The following RABGAP1L variants were observed in gnomAD, a reference collection of about 807,000 sequenced individuals.
RABGAP1L encodes the protein rab GTPase-activating protein 1-like.
In RABGAP1L, 63 loss-of-function variants were observed where a neutral mutation model predicts 137.7. The ratio of observed to expected loss-of-function variants is 0.46; its 90% CI spans 0.37 to 0.56. The LOEUF (loss-of-function observed/expected upper bound fraction) is 0.56. Among genes scored for constraint, RABGAP1L ranks in the 20% least tolerant of loss-of-function variants. RABGAP1L has a pLI of 0.00. For missense variants in RABGAP1L, 1,095 were observed against 1,244.0 expected (o/e 0.88, Z 1.80); for synonymous variants, 431 against 433.7 (o/e 0.99, Z 0.08).
chr1:174,991,245 G>A lies in RABGAP1L; in HGVS notation c.*1244G>A, dbSNP rs952026989. ...CCTTGCAGGAAATTATTTGATAAGA[G>A]CAAAACTATTTTTATTTTATAAACT... On this transcript the variant is annotated 3_prime_UTR_variant, in exon 26 of 26. Coordinates refer to ENST00000681986, the MANE Select transcript of RABGAP1L (RefSeq NM_001366446.1). 1.3e-5 allele frequency: 2 copies of A among 152,106 alleles called. No homozygotes were observed. The highest frequency in any genetic ancestry group is 4.8e-5 in the African/African-American group (2 of 41,424). The allele number at this position is 152,106 out of a possible 1,614,324, so 9.4% of individuals were successfully genotyped here.
intron 14 of RABGAP1L, among the ~76,000 whole-genome samples, chr1:174,651,169 T>G (rs1474956890): frequency 4.6e-5 from 7 of 152,112 alleles, no homozygotes; most frequent in Admixed American, 1.3e-4. Context: ...TAATCCTGAG[T>G]TCTAGTTTGA....
chr1:174,764,545 T>C (rs1464325952), intron 18 of RABGAP1L, among the ~76,000 whole-genome samples: 1 of 152,184 alleles, frequency 6.6e-6, no homozygotes, highest in Non-Finnish European at 1.5e-5. Flanking sequence ...CTTATTTTGC[T>C]CCTGTGGATA....
intron 19 of RABGAP1L, among the ~76,000 whole-genome samples, chr1:174,903,423 T>C (rs1658466184): frequency 6.6e-6 from 1 of 152,228 alleles, no homozygotes; most frequent in African/African-American, 2.4e-5. Context: ...ATAATGCATT[T>C]TTCTTTATCA....
At chr1:174,346,157 T>C (rs1682410383) in intron 11 of RABGAP1L, among the ~76,000 whole-genome samples, 1 of 152,208 alleles carries the variant, frequency 6.6e-6, no homozygotes, top group Non-Finnish European at 1.5e-5. Flanking sequence ...TAGCATTTTG[T>C]TGAGGATTTT....
chr1:174,632,617 T>A (rs2148319638), intron 13 of RABGAP1L, among the ~76,000 whole-genome samples: 1 of 150,008 alleles, frequency 6.7e-6, no homozygotes, highest in Non-Finnish European at 1.5e-5. Context: ...TCTCTAAACT[T>A]CCCTTCTCGC....
At chr1:174,656,992 C>T (rs1263973675) in intron 14 of RABGAP1L, among the ~76,000 whole-genome samples, 1 of 151,972 alleles carries the variant, frequency 6.6e-6, no homozygotes, top group Non-Finnish European at 1.5e-5. Context: ...TTTCCTAATG[C>T]ACAAAGCCTT....
At chr1:174,362,064 T>C (rs981053985) in intron 11 of RABGAP1L, among the ~76,000 whole-genome samples, 1 of 152,244 alleles carries the variant, frequency 6.6e-6, no homozygotes, top group African/African-American at 2.4e-5. Flanking sequence ...GTTAGTTTGC[T>C]AAGGATGATG....
chr1:174,945,626 T>C (rs917610881), intron 19 of RABGAP1L: 3 of 151,600 alleles, frequency 2.0e-5, no homozygotes, highest in Non-Finnish European at 4.4e-5. Flanking sequence ...TTAAAACCAA[T>C]AGAAGGAATG....
Position 174,934,376 on chromosome 1 carries a change from C to T in RABGAP1L, c.2341-23081C>T, listed in dbSNP as rs375165220. Among the ~76,000 whole-genome samples the T allele has an allele frequency of 1.5e-4, 23 of 152,234 alleles. 1 individual carries two copies. The highest frequency in any genetic ancestry group is 5.1e-4 in the African/African-American group (21 of 41,540). On this transcript the variant is annotated intron_variant, in intron 19 of 25. Coordinates refer to ENST00000681986, the MANE Select transcript of RABGAP1L (RefSeq NM_001366446.1). ...TGCTGGGATTACAGGCATGAGCCAC[C>T]ACGCCCGGCCGAAAGTTGTACAGTT...
rs538237039 is a variant in RABGAP1L, at chr1:174,701,556, A to C, written c.2026-557A>C. 7.2e-5 allele frequency among the ~76,000 whole-genome samples: 11 copies of C among 152,184 alleles called. No homozygotes were observed. The South Asian group carries it at 2.3e-3, about 32-fold the overall frequency. ...CAGGAGTTCGAGACCAGCCAGGCTAATATGGTGAAACACTGTCTCTAGTAA... is the reference window on the plus strand; with the variant it reads ...CAGGAGTTCGAGACCAGCCAGGCTACTATGGTGAAACACTGTCTCTAGTAA... On this transcript the variant is annotated intron_variant, in intron 16 of 25. Coordinates refer to ENST00000681986, the MANE Select transcript of RABGAP1L (RefSeq NM_001366446.1).
chr1:174,912,562 G>A (rs761617543), intron 19 of RABGAP1L, among the ~76,000 whole-genome samples: 1 of 152,206 alleles, frequency 6.6e-6, no homozygotes, highest in Non-Finnish European at 1.5e-5. Flanking sequence ...AGTGAATCTG[G>A]TAGAGTGCCA....
intron 1 of RABGAP1L, among the ~76,000 whole-genome samples, chr1:174,195,659 T>TTCC (rs1181040645): frequency 0.017 from 1,351 of 78,820 alleles, 27 homozygotes; most frequent in African/African-American, 0.047. Context: ...CTTCCTTTCC[T>TTCC]TTCCTTTCCT....
At chr1:174,268,581 A>G (rs144998495) in intron 7 of RABGAP1L, among the ~76,000 whole-genome samples, 1 of 152,122 alleles carries the variant, frequency 6.6e-6, no homozygotes, top group East Asian at 1.9e-4. Context: ...CCTACCTTCC[A>G]TTTTTATCTT....
chr1:174,911,142 T>G (rs1269707081), intron 19 of RABGAP1L, among the ~76,000 whole-genome samples: 1 of 152,206 alleles, frequency 6.6e-6, no homozygotes, highest in Non-Finnish European at 1.5e-5. Context: ...TTAAATTTTT[T>G]TATTTTTATT....
chr1:174,413,824 TG>T (rs1189011651), intron 13 of RABGAP1L, among the ~76,000 whole-genome samples: 1 of 152,102 alleles, frequency 6.6e-6, no homozygotes, highest in African/African-American at 2.4e-5. Flanking sequence ...CCAATGCAGT[TG>T]GGTATATACT....
chr1:174,331,976 T>C (rs910581273), intron 11 of RABGAP1L, among the ~76,000 whole-genome samples: 1 of 152,190 alleles, frequency 6.6e-6, no homozygotes, highest in African/African-American at 2.4e-5. Context: ...GGAGTCTCGC[T>C]CTGTCTCCCA....
chr1:174,491,977 G>T (rs1430371141), intron 13 of RABGAP1L, among the ~76,000 whole-genome samples: 1 of 152,286 alleles, frequency 6.6e-6, no homozygotes, highest in East Asian at 1.9e-4. Context: ...TGTGTTGGCA[G>T]TTCAAGACTT....
At chr1:174,798,704 G>A (rs566414050) in intron 18 of RABGAP1L, among the ~76,000 whole-genome samples, 17 of 152,210 alleles carry the variant, frequency 1.1e-4, no homozygotes, top group Middle Eastern at 6.8e-3. Flanking sequence ...ATTTGTCAGA[G>A]TAGAAAACTA....
chr1:174,740,784 CATT>C (rs1683330183), intron 17 of RABGAP1L, among the ~76,000 whole-genome samples: 1 of 152,002 alleles, frequency 6.6e-6, no homozygotes, highest in African/African-American at 2.4e-5. Context: ...TATGCTATCT[CATT>C]GTGGTTTTGA....
Sources: allele counts gnomAD v4.1 joint callset (sites outside exome capture counted in the v4.1 genomes callset), GRCh38; gene constraint gnomAD v4.1.1; transcripts MANE v1.5; gene names NCBI Gene and HGNC (gene_info 2026-07-23, HGNC 2026-07-21).